ATXN7L1: variants seen among roughly 807,000 people sequenced by gnomAD.
ATXN7L1 encodes the protein ataxin-7-like protein 1.
In ATXN7L1, 15 loss-of-function variants were observed where a neutral mutation model predicts 70.8. That is an observed-to-expected ratio of 0.21 (90% CI 0.14 to 0.33). The LOEUF is 0.33. ATXN7L1 is among the 10% of genes least tolerant of loss of function. The pLI is 1.00. For missense variants in ATXN7L1, 975 were observed against 1,097.1 expected (o/e 0.89, Z 1.57); for synonymous variants, 440 against 445.1 (o/e 0.99, Z 0.14).
At chr7:105,853,759 G>A (rs778073408) in intron 2 of ATXN7L1, among the ~76,000 whole-genome samples, 2 of 152,056 alleles carry the variant, frequency 1.3e-5, no homozygotes, top group Non-Finnish European at 2.9e-5. Flanking sequence ...GCGAGACTCT[G>A]TCTCAAAAAA....
chr7:105,856,349 G>A (rs911784330), intron 2 of ATXN7L1, among the ~76,000 whole-genome samples: 2 of 152,202 alleles, frequency 1.3e-5, no homozygotes, highest in African/African-American at 4.8e-5. Flanking sequence ...ACTTTGGGAG[G>A]CTGAGGCGGG....
intron 3 of ATXN7L1, chr7:105,760,617 G>A (rs774724093): frequency 7.8e-5 from 74 of 953,812 alleles, no homozygotes; most frequent in Admixed American, 1.2e-4. Context: ...CACAGAGCTT[G>A]TGGCTGAGTT....
intron 3 of ATXN7L1, among the ~76,000 whole-genome samples, chr7:105,720,665 C>T (rs1262087246): frequency 6.6e-6 from 1 of 152,058 alleles, no homozygotes; most frequent in Non-Finnish European, 1.5e-5. Flanking sequence ...GAGACGGGGT[C>T]TCAATATGTT....
intron 2 of ATXN7L1, among the ~76,000 whole-genome samples, chr7:105,841,429 A>T (rs1813195624): frequency 6.6e-6 from 1 of 152,244 alleles, no homozygotes; most frequent in African/African-American, 2.4e-5. Context: ...AAAAATATTA[A>T]GTGGAAAATC....
At chr7:105,700,776 G>A (rs1286892700) in intron 3 of ATXN7L1, among the ~76,000 whole-genome samples, 1 of 151,878 alleles carries the variant, frequency 6.6e-6, no homozygotes, top group Non-Finnish European at 1.5e-5. Flanking sequence ...CCACCTCCTG[G>A]GCTCAAGTGA....
At chr7:105,722,215 G>A (rs958556473) in intron 3 of ATXN7L1, among the ~76,000 whole-genome samples, 1 of 152,162 alleles carries the variant, frequency 6.6e-6, no homozygotes, top group African/African-American at 2.4e-5. Context: ...GGGACTATGT[G>A]TGTACACGTG....
At chr7:105,775,854 T>C (rs533005940) in intron 3 of ATXN7L1, among the ~76,000 whole-genome samples, 1 of 152,298 alleles carries the variant, frequency 6.6e-6, no homozygotes, top group South Asian at 2.1e-4. Context: ...CAATGTGAAA[T>C]AGATGCATTT....
At chr7:105,779,930 A>G (rs142778351) in intron 3 of ATXN7L1, among the ~76,000 whole-genome samples, 1 of 152,352 alleles carries the variant, frequency 6.6e-6, no homozygotes, top group Non-Finnish European at 1.5e-5. Flanking sequence ...TAACAGTAAC[A>G]ACAATTTAAT....
intron 3 of ATXN7L1, among the ~76,000 whole-genome samples, chr7:105,776,764 T>C (rs1563083803): frequency 6.6e-6 from 1 of 152,258 alleles, no homozygotes; most frequent in East Asian, 1.9e-4. Context: ...TATCCACCTG[T>C]TTATCCCAGA....
intron 3 of ATXN7L1, chr7:105,761,320 C>G (rs987159263): frequency 7.4e-6 from 12 of 1,610,922 alleles, no homozygotes; most frequent in Non-Finnish European, 1.0e-5. Context: ...CGTCTCCAGA[C>G]AATGCCAGTC....
chr7:105,788,842 G>C, intron 2 of ATXN7L1, 134 bp from the exon 3 acceptor site: 1 of 709,300 alleles, frequency 1.4e-6, no homozygotes, highest in South Asian at 1.7e-5. Context: ...CTTTACTAAC[G>C]GGAACTCGGT....
At chr7:105,733,601 TCCAC>T (rs1563048888) in intron 3 of ATXN7L1, among the ~76,000 whole-genome samples, 1 of 97,156 alleles carries the variant, frequency 1.0e-5, no homozygotes, top group African/African-American at 4.1e-5. Flanking sequence ...CATCCATCCA[TCCAC>T]CCATCCATCC....
intron 2 of ATXN7L1, among the ~76,000 whole-genome samples, chr7:105,859,192 G>A (rs1816186064): frequency 6.6e-6 from 1 of 152,094 alleles, no homozygotes; most frequent in African/African-American, 2.4e-5. Context: ...GCATGCTGAA[G>A]TATTTAGGGG....
chr7:105,629,314 G>A (rs2115843004), intron 7 of ATXN7L1, among the ~76,000 whole-genome samples: 1 of 152,044 alleles, frequency 6.6e-6, no homozygotes, highest in East Asian at 1.9e-4. Flanking sequence ...TACTCTCTCT[G>A]TGAATTTGGC....
intron 3 of ATXN7L1, among the ~76,000 whole-genome samples, chr7:105,771,194 C>T (rs889346179): frequency 4.0e-4 from 41 of 101,648 alleles, no homozygotes; most frequent in Middle Eastern, 4.3e-3. Flanking sequence ...AGCAAGACTC[C>T]GTCTCTGATA....
chr7:105,783,385 A>C (rs1584994208), intron 3 of ATXN7L1, among the ~76,000 whole-genome samples: 1 of 152,152 alleles, frequency 6.6e-6, no homozygotes, highest in Admixed American at 6.5e-5. Flanking sequence ...CAGTTTCCTG[A>C]CACAAGAGCT....
At position 105,624,283 on chromosome 7, in the gene ATXN7L1, G is replaced by C; in HGVS notation, c.1203-16C>G. ...AGATGATGGTCTAAGGGCAAGAGCG[G>C]AGAACAAACAAAATAAACCAAATGA... is the stretch of plus-strand genomic sequence containing the variant. On this transcript the variant is annotated splice_polypyrimidine_tract_variant and intron_variant, in intron 7 of 11. Transcript: ENST00000419735. The C allele has an allele frequency of 1.5e-6, 2 of 1,359,228 alleles. No homozygotes were observed. Among genetic ancestry groups the C allele is most frequent in the Non-Finnish European group, 1.9e-6 (2 of 1,041,410 alleles). The allele number at this position is 1,359,228 out of a possible 1,614,324, so 84.2% of individuals were successfully genotyped here. A position where few individuals can be genotyped will look rare whatever the true frequency, so the allele number is the denominator to read the frequency against.
chr7:105,614,141 TCTCA>T lies in ATXN7L1; in HGVS notation c.2189_2192del (p.Val730AspfsTer68). 1.3e-6 allele frequency: 2 copies of T among 1,551,660 alleles called. No individual in the cohort carries two copies. The highest frequency in any genetic ancestry group is 2.4e-5 in the East Asian group (1 of 40,910). On this transcript the variant is annotated frameshift_variant, in exon 10 of 12. Coordinates refer to ENST00000419735, the MANE Select transcript of ATXN7L1 (RefSeq NM_020725.2). LOFTEE classifies it high-confidence loss of function. The surrounding 1 kb of genome is among the most constrained non-coding windows in gnomAD (Gnocchi z 4.3). ...TGCTGCCTCCCACCGCGCCCACCTG[TCTCA>T]CTATGTCCGCGGGGCCGCCGGGCAG...
chr7:105,760,406 C>G, intron 3 of ATXN7L1: 1 of 978,510 alleles, frequency 1.0e-6, no homozygotes, highest in Non-Finnish European at 1.2e-6. Context: ...TAAAACAGCA[C>G]AGCCAGCAGG....
Sources: allele counts gnomAD v4.1 joint callset (sites outside exome capture counted in the v4.1 genomes callset), GRCh38; gene constraint gnomAD v4.1.1; non-coding constraint Gnocchi (gnomAD v3.1); transcripts MANE v1.5; gene names NCBI Gene and HGNC (gene_info 2026-07-23, HGNC 2026-07-21).